Variants in AK5 observed in about 807,000 individuals in gnomAD.
AK5 encodes the protein adenylate kinase isoenzyme 5.
In AK5, 27 loss-of-function variants were observed where a neutral mutation model predicts 69.5. The ratio of observed to expected loss-of-function variants is 0.39; its 90% CI spans 0.29 to 0.54. The LOEUF (loss-of-function observed/expected upper bound fraction) is 0.54. Ranked by LOEUF, AK5 falls within the 20% of genes least tolerant of loss-of-function variation. The probability of loss-of-function intolerance (pLI) is 0.71; values close to 1 mark genes in which losing one functional copy is unlikely to be tolerated. For synonymous variants in AK5, 260 were observed against 244.4 expected (o/e 1.06, Z -0.60); for missense variants, 531 against 700.4 (o/e 0.76, Z 2.73).
chr1:77,504,269 G>A (rs1186508341), intron 10 of AK5, among the ~76,000 whole-genome samples: 2 of 152,074 alleles, frequency 1.3e-5, no homozygotes, highest in South Asian at 2.1e-4. Context: ...ACAGATTGGC[G>A]AGAACATTTT....
At chr1:77,533,851 G>T (rs2100352247) in intron 12 of AK5, among the ~76,000 whole-genome samples, 1 of 152,150 alleles carries the variant, frequency 6.6e-6, no homozygotes, top group South Asian at 2.1e-4. Context: ...GTTTCAGGGA[G>T]AACATTAAGC....
At chr1:77,434,566 A>G (rs763069195) in intron 8 of AK5, among the ~76,000 whole-genome samples, 1 of 152,192 alleles carries the variant, frequency 6.6e-6, no homozygotes, top group Non-Finnish European at 1.5e-5. Context: ...TTCAAAAACA[A>G]TACAGAAAGT....
chr1:77,346,660 CTAATTTTTCG>C (rs1661931360), intron 6 of AK5, among the ~76,000 whole-genome samples: 1 of 152,114 alleles, frequency 6.6e-6, no homozygotes, highest in African/African-American at 2.4e-5. Context: ...CCATGCCCAC[CTAATTTTTCG>C]TATGTTTTGT....
At chr1:77,461,472 A>G (rs533929231) in intron 8 of AK5, among the ~76,000 whole-genome samples, 2 of 152,054 alleles carry the variant, frequency 1.3e-5, no homozygotes, top group Admixed American at 1.3e-4. Flanking sequence ...GAAAGAATAC[A>G]TTCAAGAAAT....
chr1:77,376,433 C>CAA lies in AK5; in HGVS notation c.892-34532_892-34531dup, dbSNP rs757594684. ...GTGAGCACTTCAGTGCACTCAATGC[C>CAA]AAAAAAAAAAAAAAAAACAAAAAAA... On this transcript the variant is annotated intron_variant, in intron 6 of 13. Transcript: ENST00000354567. Among the ~76,000 whole-genome samples the CAA allele has an allele frequency of 9.4e-3, 126 of 13,382 alleles. 10 individuals are homozygous for CAA. Among genetic ancestry groups the CAA allele is most frequent in the East Asian group, 0.023 (6 of 266 alleles). The allele number at this position is 13,382 out of a possible 152,430, so 8.8% of individuals were successfully genotyped here.
At chr1:77,324,481 C>T (rs763950044) in intron 5 of AK5, among the ~76,000 whole-genome samples, 1 of 152,068 alleles carries the variant, frequency 6.6e-6, no homozygotes, top group Non-Finnish European at 1.5e-5. Context: ...CAAATTGCAA[C>T]GACTGCCTAA....
intron 5 of AK5, among the ~76,000 whole-genome samples, chr1:77,334,402 G>C (rs1232455239): frequency 6.6e-6 from 1 of 152,050 alleles, no homozygotes; most frequent in African/African-American, 2.4e-5. Context: ...TAGGTTTTCA[G>C]TTTTACTATG....
intron 13 of AK5, among the ~76,000 whole-genome samples, chr1:77,544,403 T>C (rs1659432473): frequency 6.6e-6 from 1 of 152,242 alleles, no homozygotes; most frequent in African/African-American, 2.4e-5. Context: ...TTTTACTTTA[T>C]AAGCTTTTAA....
At chr1:77,308,447 A>C (rs74891090) in intron 5 of AK5, among the ~76,000 whole-genome samples, 4 of 127,208 alleles carry the variant, frequency 3.1e-5, no homozygotes, top group Non-Finnish European at 6.6e-5. Context: ...AAAAAAAAAA[A>C]AAAAAAAAAA....
chr1:77,318,608 C>T (rs1306303947), intron 5 of AK5, among the ~76,000 whole-genome samples: 4 of 152,120 alleles, frequency 2.6e-5, no homozygotes, highest in Admixed American at 6.5e-5. Flanking sequence ...CTACCCTAAA[C>T]AATCTGATTT....
intron 6 of AK5, among the ~76,000 whole-genome samples, chr1:77,383,251 T>A (rs1647774906): frequency 6.6e-6 from 1 of 152,144 alleles, no homozygotes; most frequent in African/African-American, 2.4e-5. Context: ...TTAACAAAAA[T>A]ATATTACACA....
At chr1:77,478,303 T>C (rs973723886) in intron 8 of AK5, among the ~76,000 whole-genome samples, 2 of 152,250 alleles carry the variant, frequency 1.3e-5, no homozygotes, top group Non-Finnish European at 2.9e-5. Context: ...TCTCATCTTG[T>C]AGCTCCCATA....
At chr1:77,470,275 C>A (rs573783118) in intron 8 of AK5, among the ~76,000 whole-genome samples, 1 of 152,106 alleles carries the variant, frequency 6.6e-6, no homozygotes, top group East Asian at 1.9e-4. Context: ...GAAGCCAAGG[C>A]GGGAGGATCA....
intron 7 of AK5, among the ~76,000 whole-genome samples, chr1:77,412,021 G>GA (rs376573674): frequency 6.9e-4 from 105 of 152,304 alleles, no homozygotes; most frequent in African/African-American, 2.4e-3. Context: ...CTGCTGCTCT[G>GA]AAAAATACTA....
At chr1:77,368,842 T>C (rs1647067471) in intron 6 of AK5, among the ~76,000 whole-genome samples, 1 of 152,162 alleles carries the variant, frequency 6.6e-6, no homozygotes, top group Non-Finnish European at 1.5e-5. Context: ...GAATATATAA[T>C]CTTAATTTTA....
intron 6 of AK5, among the ~76,000 whole-genome samples, chr1:77,386,340 G>T (rs1648026473): frequency 6.6e-6 from 1 of 152,156 alleles, no homozygotes; most frequent in African/African-American, 2.4e-5. Flanking sequence ...TCTGTCTCTG[G>T]ACTTAAGGGT....
chr1:77,417,496 G>T (rs1176027905), intron 7 of AK5, 143 bp from the exon 8 acceptor site: 5 of 617,308 alleles, frequency 8.1e-6, no homozygotes, highest in Non-Finnish European at 1.4e-5. Flanking sequence ...GCAAAACATT[G>T]TACCTGGCAG....
chr1:77,299,969 G>A (rs551778787), intron 5 of AK5, among the ~76,000 whole-genome samples: 18 of 152,132 alleles, frequency 1.2e-4, no homozygotes, highest in Admixed American at 6.5e-4. Flanking sequence ...CTCATTTTCA[G>A]CTCTTAAAAA....
chr1:77,399,916 C>T (rs1649091764), intron 6 of AK5, among the ~76,000 whole-genome samples: 1 of 152,178 alleles, frequency 6.6e-6, no homozygotes, highest in Non-Finnish European at 1.5e-5. Flanking sequence ...GCTACCAACC[C>T]ACACAGACCC....
Sources: allele counts gnomAD v4.1 joint callset (sites outside exome capture counted in the v4.1 genomes callset), GRCh38; gene constraint gnomAD v4.1.1; transcripts MANE v1.5; gene names NCBI Gene and HGNC (gene_info 2026-07-23, HGNC 2026-07-21).